NAA38: variants seen among roughly 807,000 people sequenced by gnomAD.
NAA38 encodes LSM domain containing 1.
In NAA38, 15 loss-of-function variants were observed where a neutral mutation model predicts 12.6. That is an observed-to-expected ratio of 1.19 (90% CI 0.79 to 1.83). NAA38 has a LOEUF of 1.83. NAA38 is among the 40% of genes most tolerant of loss of function. NAA38 has a pLI of 0.00. For missense variants in NAA38, 183 were observed against 171.7 expected (o/e 1.07, Z -0.37); for synonymous variants, 88 against 69.9 (o/e 1.26, Z -1.29).
At chr17:7,874,092 G>A (rs891567034) in intron 2 of NAA38, among the ~76,000 whole-genome samples, 7 of 152,184 alleles carry the variant, frequency 4.6e-5, no homozygotes, top group Non-Finnish European at 8.8e-5. Context: ...CAAGACAGTG[G>A]CAGGAGCATG....
upstream of NAA38, chr17:7,858,318 G>A: frequency 1.2e-6 from 2 of 1,613,922 alleles, no homozygotes; most frequent in Non-Finnish European, 1.7e-6. Flanking sequence ...GTTGGGCCGG[G>A]GCCGGAGTGT....
chr17:7,875,464 A>G (rs1164491280), intron 2 of NAA38, among the ~76,000 whole-genome samples: 3 of 151,996 alleles, frequency 2.0e-5, no homozygotes, highest in African/African-American at 7.2e-5. Flanking sequence ...TTTCCTGAGT[A>G]GGTAGGACTA....
chr17:7,857,205 G>T lies in NAA38; in HGVS notation c.82-7C>A. On this transcript the variant is annotated splice_region_variant and splice_polypyrimidine_tract_variant and intron_variant, in intron 1 of 2. Coordinates refer to ENST00000575771, the MANE Select transcript of NAA38 (RefSeq NM_001320925.4). ...CGCGCTCTCCGTCCGAATCCTGCGC[G>T]GGGTGTAACAAGCGCTCAGACCGCG... The T allele has an allele frequency of 6.2e-7, 1 of 1,612,950 alleles. No individual in the cohort carries two copies. The highest frequency in any genetic ancestry group is 8.5e-7 in the Non-Finnish European group (1 of 1,179,974).
chr17:7,871,264 TTGTC>T (rs1254271215), intron 2 of NAA38, among the ~76,000 whole-genome samples: 1 of 152,190 alleles, frequency 6.6e-6, no homozygotes, highest in Non-Finnish European at 1.5e-5. Flanking sequence ...TAACCTCCCT[TTGTC>T]TGTTTTCTCA....
intron 2 of NAA38, among the ~76,000 whole-genome samples, chr17:7,873,521 G>A (rs1320798205): frequency 1.3e-5 from 2 of 152,182 alleles, no homozygotes; most frequent in African/African-American, 2.4e-5. Flanking sequence ...GTGCGGTAAG[G>A]TGGCAGCTAA....
In NAA38 at chr17:7,857,484, G is replaced by A. The variant is rs772821660; in HGVS notation, c.-21C>T. ...GCCATTTGCCCGGAGGCCTCCTCTGGGCCTTTCAACTTCCTAAGCACCTTT... is the reference window on the plus strand; with the variant it reads ...GCCATTTGCCCGGAGGCCTCCTCTGAGCCTTTCAACTTCCTAAGCACCTTT... On this transcript the variant is annotated 5_prime_UTR_variant, in exon 1 of 3. Transcript: ENST00000575771. The A allele has an allele frequency of 6.6e-7, 1 of 1,509,534 alleles. No homozygotes were observed. The highest frequency in any genetic ancestry group is 2.3e-5 in the Admixed American group (1 of 42,958). 93.5% of individuals were successfully genotyped at this position (1,509,534 alleles called of 1,614,324 possible).
At chr17:7,868,010 TA>T (rs1316946395) in intron 2 of NAA38, among the ~76,000 whole-genome samples, 3 of 152,146 alleles carry the variant, frequency 2.0e-5, no homozygotes, top group Admixed American at 6.5e-5. Context: ...CTGTATGAGG[TA>T]ACTCGGGCAG....
intron 2 of NAA38, among the ~76,000 whole-genome samples, chr17:7,874,973 A>C (rs1471129113): frequency 6.6e-6 from 1 of 151,432 alleles, no homozygotes; most frequent in African/African-American, 2.4e-5. Context: ...TGGTGGGAGG[A>C]TCGCTTGAGG....
intron 1 of NAA38, among the ~76,000 whole-genome samples, chr17:7,884,435 G>A (rs1487157945): frequency 7.6e-6 from 1 of 132,284 alleles, no homozygotes; most frequent in Non-Finnish European, 1.6e-5. Context: ...GCAGAGAGAA[G>A]TCGAAAACTT....
chr17:7,867,986 G>T (rs1488362306), intron 2 of NAA38, among the ~76,000 whole-genome samples: 1 of 152,184 alleles, frequency 6.6e-6, no homozygotes, highest in Non-Finnish European at 1.5e-5. Flanking sequence ...GGAAAGTGAT[G>T]AATTTTTAGT....
At chr17:7,858,832 C>T, upstream of NAA38, 3 of 1,526,794 alleles carry the variant, frequency 2.0e-6, no homozygotes, top group Non-Finnish European at 2.6e-6. Flanking sequence ...GAGGTGAGAA[C>T]TGGTGACAAG....
chr17:7,857,944 C>A (rs940681043), upstream of NAA38: 10 of 1,437,562 alleles, frequency 7.0e-6, no homozygotes, highest in Non-Finnish European at 9.1e-6. Flanking sequence ...CCCGTGAACA[C>A]GTGCAGTCCA....
chr17:7,884,732 G>T, intron 1 of NAA38: 2 of 371,280 alleles, frequency 5.4e-6, no homozygotes, highest in Non-Finnish European at 9.5e-6. Flanking sequence ...GGAGGAGGAG[G>T]AGGTGGTGGT....
In NAA38 at chr17:7,856,861, A is replaced by G. The variant is rs374551725; in HGVS notation, c.266-18T>C. The stretch of plus-strand genomic sequence containing the variant: ...GAAGGAATCTGGAAAGAAGGATCAG[A>G]GCATCAGGAAAGTAGGCCAGAATCA... On this transcript the variant is annotated intron_variant, in intron 2 of 2. Coordinates refer to ENST00000575771, the MANE Select transcript of NAA38 (RefSeq NM_001320925.4). 4 of 1,612,270 alleles carry G rather than the reference A, an allele frequency of 2.5e-6. No individual in the cohort carries two copies. Among genetic ancestry groups the G allele is most frequent in the African/African-American group, 2.7e-5 (2 of 74,922 alleles).
upstream of NAA38, chr17:7,859,595 G>A (rs776335221): frequency 6.2e-7 from 1 of 1,614,058 alleles, no homozygotes; most frequent in South Asian, 1.1e-5. Context: ...CTTCAATGAT[G>A]ATCTCACGGA....
intron 2 of NAA38, among the ~76,000 whole-genome samples, chr17:7,871,492 A>G (rs953234229): frequency 2.6e-5 from 4 of 152,024 alleles, no homozygotes; most frequent in African/African-American, 9.7e-5. Flanking sequence ...TTTCTATGAC[A>G]TCTTTATTTC....
At chr17:7,874,543 G>T (rs1967140053) in intron 2 of NAA38, among the ~76,000 whole-genome samples, 1 of 152,150 alleles carries the variant, frequency 6.6e-6, no homozygotes. Flanking sequence ...CAGCCTTAAA[G>T]AAATAGGGGC....
At chr17:7,866,600 G>T in intron 2 of NAA38, 1 of 1,007,258 alleles carries the variant, frequency 9.9e-7, no homozygotes, top group Non-Finnish European at 1.3e-6. Flanking sequence ...CTTCCTACAT[G>T]CTGTTCCTCT....
chr17:7,857,568 C>T (rs1273332365), upstream of NAA38: 3 of 1,404,610 alleles, frequency 2.1e-6, no homozygotes, highest in East Asian at 8.0e-5. Context: ...TCGCGAGATC[C>T]CCTCTCCTCC....
Sources: gnomAD v4.1 joint callset for allele counts (sites outside exome capture counted in the v4.1 genomes callset) on GRCh38, gnomAD v4.1.1 for gene constraint, MANE v1.5 for transcripts, NCBI Gene and HGNC (gene_info 2026-07-23, HGNC 2026-07-21) for gene names.